The following ZNF599 variants were observed in gnomAD, a reference collection of about 807,000 sequenced individuals.
The protein encoded by ZNF599 is zinc finger protein 599.
ZNF599 carries 10 observed loss-of-function variants against 11.7 expected under a neutral mutation model. The observed-to-expected ratio is 0.86, with a 90% CI of 0.53 to 1.45. ZNF599 has a LOEUF of 1.45. ZNF599 is among the 40% of genes most tolerant of loss of function. The probability of loss-of-function intolerance (pLI) is 0.00; values close to 1 mark genes in which losing one functional copy is unlikely to be tolerated. For missense variants in ZNF599, 688 were observed against 713.6 expected (o/e 0.96, Z 0.41); for synonymous variants, 232 against 253.2 (o/e 0.92, Z 0.79).
upstream of ZNF599, among the ~76,000 whole-genome samples, chr19:34,776,336 A>G (rs560630154): frequency 3.3e-5 from 5 of 152,336 alleles, no homozygotes; most frequent in South Asian, 1.0e-3. Flanking sequence ...CATATATTTT[A>G]TTTACACATA....
chr19:34,768,108 CAGCT>C (rs1335816479), intron 2 of ZNF599, among the ~76,000 whole-genome samples: 1 of 152,144 alleles, frequency 6.6e-6, no homozygotes, highest in Non-Finnish European at 1.5e-5. Context: ...GGCACGCATC[CAGCT>C]GTCACTTAGC....
the ZNF599 span, among the ~76,000 whole-genome samples, chr19:34,790,273 A>T: frequency 6.6e-6 from 1 of 152,212 alleles, no homozygotes; most frequent in Non-Finnish European, 1.5e-5. Context: ...CCTATGATGT[A>T]CCCGCACTGT....
rs921940375 is a variant in ZNF599 at position 34,758,522 on chromosome 19, T to C, written c.*512A>G. ...GGCTCTGGACTTAGAGATATATATATGTAAAACACACAAAGGGGATGAGAC... is the reference window on the plus strand; with the variant it reads ...GGCTCTGGACTTAGAGATATATATACGTAAAACACACAAAGGGGATGAGAC... On this transcript the variant is annotated 3_prime_UTR_variant, in exon 4 of 4. Transcript: ENST00000329285. 2.0e-5 allele frequency: 3 copies of C among 153,070 alleles called. No individual in the cohort carries two copies. Among genetic ancestry groups the C allele is most frequent in the African/African-American group, 7.2e-5 (3 of 41,448 alleles). The allele number at this position is 153,070 out of a possible 1,614,324, so 9.5% of individuals were successfully genotyped here. A position where few individuals can be genotyped will look rare whatever the true frequency, so the allele number is the denominator to read the frequency against.
At chr19:34,784,743 C>T in the ZNF599 span, among the ~76,000 whole-genome samples, 1 of 151,906 alleles carries the variant, frequency 6.6e-6, no homozygotes, top group African/African-American at 2.4e-5. Context: ...CAACATCCAT[C>T]TCGAATCGAT....
At chr19:34,769,392 T>C in intron 2 of ZNF599, 37 bp downstream of exon 2, 3 of 1,613,948 alleles carry the variant, frequency 1.9e-6, no homozygotes, top group Non-Finnish European at 2.5e-6. Context: ...TCAAAGAGGC[T>C]GTGGGTCCCC....
chr19:34,773,353 TC>T (rs1470913292), upstream of ZNF599: 1 of 153,770 alleles, frequency 6.5e-6, no homozygotes, highest in Admixed American at 6.5e-5. Context: ...GAGCGCACTT[TC>T]TGTTCTCGGT....
chr19:34,802,064 G>A, the ZNF599 span, among the ~76,000 whole-genome samples: 1 of 152,230 alleles, frequency 6.6e-6, no homozygotes, highest in African/African-American at 2.4e-5. Flanking sequence ...CTGAGAAGAT[G>A]CTTCCTCATC....
At chr19:34,781,755 A>C in the ZNF599 span, among the ~76,000 whole-genome samples, 1 of 152,188 alleles carries the variant, frequency 6.6e-6, no homozygotes, top group East Asian at 1.9e-4. Flanking sequence ...ATGAGCCCTA[A>C]GGGTGTGTCC....
chr19:34,768,721 A>C (rs188562639), intron 2 of ZNF599, among the ~76,000 whole-genome samples: 128 of 152,300 alleles, frequency 8.4e-4, no homozygotes, highest in Non-Finnish European at 1.4e-3. Flanking sequence ...TGAGGCTAGG[A>C]GTTTGAGGCT....
At chr19:34,790,243 A>G in the ZNF599 span, among the ~76,000 whole-genome samples, 1 of 152,182 alleles carries the variant, frequency 6.6e-6, no homozygotes, top group African/African-American at 2.4e-5. Flanking sequence ...CTTTACATTC[A>G]AAGGACTTTC....
chr19:34,802,376 T>C, the ZNF599 span, among the ~76,000 whole-genome samples: 1 of 152,132 alleles, frequency 6.6e-6, no homozygotes, highest in African/African-American at 2.4e-5. Context: ...CTGCCAATGG[T>C]TTTTGGTACT....
chr19:34,777,946 G>A (rs935534601), upstream of ZNF599, among the ~76,000 whole-genome samples: 6 of 152,014 alleles, frequency 3.9e-5, no homozygotes, highest in African/African-American at 1.4e-4. Context: ...AATTTGTTAA[G>A]AGAGCAGATG....
chr19:34,769,307 C>T (rs887156977), intron 2 of ZNF599, 122 bp downstream of exon 2: 116 of 1,344,804 alleles, frequency 8.6e-5, no homozygotes, highest in Middle Eastern at 1.9e-4. Context: ...CAGACCACAA[C>T]GTGCTGAGGC....
At chr19:34,782,422 C>CA in the ZNF599 span, among the ~76,000 whole-genome samples, 6 of 152,136 alleles carry the variant, frequency 3.9e-5, no homozygotes, top group African/African-American at 7.2e-5. Context: ...AAATGCCAGC[C>CA]AAAAAAGGGG....
At chr19:34,792,087 G>A in the ZNF599 span, among the ~76,000 whole-genome samples, 2 of 152,174 alleles carry the variant, frequency 1.3e-5, no homozygotes, top group Non-Finnish European at 2.9e-5. Flanking sequence ...CTATCCTTGA[G>A]CCAAGAGTCT....
At chr19:34,796,184 T>C in the ZNF599 span, among the ~76,000 whole-genome samples, 1 of 148,628 alleles carries the variant, frequency 6.7e-6, no homozygotes, top group African/African-American at 2.5e-5. Context: ...GCTCTTGGTG[T>C]CCTCCTCTTG....
the ZNF599 span, among the ~76,000 whole-genome samples, chr19:34,794,632 G>A: frequency 6.6e-6 from 1 of 150,780 alleles, no homozygotes; most frequent in African/African-American, 2.4e-5. Context: ...ATGCAGTGGT[G>A]CAATCTTGGC....
At chr19:34,779,152 T>G in the ZNF599 span, among the ~76,000 whole-genome samples, 1 of 148,368 alleles carries the variant, frequency 6.7e-6, no homozygotes, top group Non-Finnish European at 1.5e-5. Context: ...AATGGCACAA[T>G]CCTATACTCA....
At chr19:34,807,436 G>A in the ZNF599 span, among the ~76,000 whole-genome samples, 1 of 152,214 alleles carries the variant, frequency 6.6e-6, no homozygotes, top group African/African-American at 2.4e-5. Flanking sequence ...CACAATGGGT[G>A]GCACCCTAGC....
Sources: gnomAD v4.1 joint callset for allele counts (sites outside exome capture counted in the v4.1 genomes callset) on GRCh38, gnomAD v4.1.1 for gene constraint, MANE v1.5 for transcripts, NCBI Gene and HGNC (gene_info 2026-07-23, HGNC 2026-07-21) for gene names.